Variants in AGMO observed in about 807,000 individuals in gnomAD.
The protein encoded by AGMO is glyceryl-ether monooxygenase.
In AGMO, 75 loss-of-function variants were observed where a neutral mutation model predicts 60.2. That is an observed-to-expected ratio of 1.25 (90% CI 1.03 to 1.51). The LOEUF is 1.51. AGMO is among the 40% of genes most tolerant of loss of function. AGMO has a pLI of 0.00. For missense variants in AGMO, 763 were observed against 525.5 expected, an observed-to-expected ratio of 1.45 and a Z score of -4.42; for synonymous variants, 261 against 177.1, an observed-to-expected ratio of 1.47 and a Z score of -3.76.
At chr7:15,536,300 T>C (rs1469948068) in intron 3 of AGMO, among the ~76,000 whole-genome samples, 2 of 151,826 alleles carry the variant, frequency 1.3e-5, no homozygotes, top group Non-Finnish European at 2.9e-5. Context: ...GGCTCCAGAA[T>C]CTACTTTTTT....
At chr7:15,483,754 A>G (rs190405948) in intron 3 of AGMO, among the ~76,000 whole-genome samples, 6 of 152,326 alleles carry the variant, frequency 3.9e-5, no homozygotes, top group African/African-American at 1.2e-4. Context: ...ATAAACACTC[A>G]CAAATTGATT....
intron 12 of AGMO, among the ~76,000 whole-genome samples, chr7:15,286,446 C>G (rs1392252713): frequency 2.6e-5 from 4 of 151,966 alleles, no homozygotes; most frequent in East Asian, 3.9e-4. Flanking sequence ...AGAAGATATA[C>G]AAATGGCCAA....
intron 3 of AGMO, among the ~76,000 whole-genome samples, chr7:15,539,126 AT>A (rs1486395034): frequency 6.6e-6 from 1 of 151,914 alleles, no homozygotes; most frequent in Non-Finnish European, 1.5e-5. Flanking sequence ...AATTTTTATG[AT>A]TATTATTATT....
intron 3 of AGMO, among the ~76,000 whole-genome samples, chr7:15,459,734 G>C (rs536332257): frequency 3.3e-5 from 5 of 151,722 alleles, no homozygotes; most frequent in Non-Finnish European, 5.9e-5. Context: ...AAACTGCATG[G>C]ACTGTATTTG....
At chr7:15,350,485 G>A (rs768276593) in intron 12 of AGMO, among the ~76,000 whole-genome samples, 6 of 152,058 alleles carry the variant, frequency 3.9e-5, no homozygotes, top group Non-Finnish European at 8.8e-5. Context: ...TAATTCTCTG[G>A]TAGCTAGCTG....
At chr7:15,383,375 A>AG (rs112379505) in intron 10 of AGMO, among the ~76,000 whole-genome samples, 4,239 of 152,206 alleles carry the variant, frequency 0.028, 198 homozygotes, top group African/African-American at 0.098. Context: ...CAGTTACGTT[A>AG]GTTAATAAAT....
chr7:15,413,125 C>T (rs1321382901), intron 5 of AGMO, among the ~76,000 whole-genome samples: 1 of 152,094 alleles, frequency 6.6e-6, no homozygotes, highest in East Asian at 1.9e-4. Context: ...AGTGAAAGAG[C>T]CTCTCAGCAG....
At chr7:15,493,279 T>G (rs1409855107) in intron 3 of AGMO, among the ~76,000 whole-genome samples, 1 of 150,886 alleles carries the variant, frequency 6.6e-6, no homozygotes, top group East Asian at 1.9e-4. Context: ...GTCTCATTCT[T>G]TCTTTCTCTG....
At chr7:15,558,702 C>G (rs1027021125) in intron 2 of AGMO, among the ~76,000 whole-genome samples, 1 of 151,998 alleles carries the variant, frequency 6.6e-6, no homozygotes, top group Admixed American at 6.6e-5. Flanking sequence ...ATTACTTCTA[C>G]TATATACCTA....
At chr7:15,391,630 T>A (rs568429700) in intron 6 of AGMO, among the ~76,000 whole-genome samples, 1 of 152,306 alleles carries the variant, frequency 6.6e-6, no homozygotes, top group East Asian at 1.9e-4. Context: ...TTGCATGGTT[T>A]CCATGCATGC....
chr7:15,172,043 T>A, the AGMO span, among the ~76,000 whole-genome samples: 1 of 152,206 alleles, frequency 6.6e-6, no homozygotes, highest in East Asian at 1.9e-4. Flanking sequence ...TGTGCTCTTT[T>A]TTTTTAGATT....
At chr7:15,382,707 A>G (rs1216139980) in intron 10 of AGMO, among the ~76,000 whole-genome samples, 5 of 152,186 alleles carry the variant, frequency 3.3e-5, no homozygotes, top group African/African-American at 1.2e-4. Context: ...CTGCTGAAGT[A>G]ATCAATCCTG....
At chr7:15,342,693 A>G (rs1289047810) in intron 12 of AGMO, among the ~76,000 whole-genome samples, 7 of 145,478 alleles carry the variant, frequency 4.8e-5, no homozygotes, top group Admixed American at 1.5e-4. Flanking sequence ...TTAAATACAT[A>G]TTTAGAAAAG....
chr7:15,148,326 A>G, the AGMO span, among the ~76,000 whole-genome samples: 1 of 151,336 alleles, frequency 6.6e-6, no homozygotes, highest in African/African-American at 2.4e-5. Context: ...GTTATTTTCT[A>G]TTTTTTTCAA....
intron 3 of AGMO, among the ~76,000 whole-genome samples, chr7:15,481,043 T>C (rs965333613): frequency 6.8e-6 from 1 of 146,864 alleles, no homozygotes; most frequent in Non-Finnish European, 1.5e-5. Context: ...TTAACATTAA[T>C]ATGTTTATGC....
At chr7:15,317,847 ATATATATACACACACACACACG>A (rs1563083577) in intron 12 of AGMO, among the ~76,000 whole-genome samples, 2 of 149,800 alleles carry the variant, frequency 1.3e-5, no homozygotes, top group Non-Finnish European at 3.0e-5. Context: ...TTTGTCATAT[ATATATATACACACACACACACG>A]TATATATATA....
chr7:15,469,687 G>A (rs1782393877), intron 3 of AGMO, among the ~76,000 whole-genome samples: 2 of 152,276 alleles, frequency 1.3e-5, no homozygotes, highest in Middle Eastern at 3.4e-3. Context: ...AAAAGTTAAT[G>A]TTCTTTTGGG....
chr7:15,224,603 T>C (rs887447408), intron 12 of AGMO, among the ~76,000 whole-genome samples: 4 of 152,056 alleles, frequency 2.6e-5, no homozygotes, highest in Admixed American at 6.6e-5. Context: ...TATCCTATTA[T>C]AGCACTCAAA....
chr7:15,166,457 C>T, the AGMO span, among the ~76,000 whole-genome samples: 1 of 152,122 alleles, frequency 6.6e-6, no homozygotes, highest in African/African-American at 2.4e-5. Context: ...AGGAAGAAGG[C>T]ATCCATCATA....
Sources: gnomAD v4.1 joint callset for allele counts (sites outside exome capture counted in the v4.1 genomes callset) on GRCh38, gnomAD v4.1.1 for gene constraint, MANE v1.5 for transcripts, NCBI Gene and HGNC (gene_info 2026-07-23, HGNC 2026-07-21) for gene names.